ST7: variants seen among roughly 807,000 people sequenced by gnomAD.
ST7 encodes the protein suppression of tumorigenicity 7.
ST7 carries 28 observed loss-of-function variants against 78.7 expected under a neutral mutation model. The observed-to-expected ratio is 0.36, with a 90% CI of 0.26 to 0.49. The LOEUF is 0.49. ST7 is among the 20% of genes least tolerant of loss of function. The pLI is 0.99. For missense variants in ST7, 418 were observed against 696.0 expected (o/e 0.60, Z 4.49); for synonymous variants, 247 against 249.6 (o/e 0.99, Z 0.10).
intron 1 of ST7, among the ~76,000 whole-genome samples, chr7:116,961,555 C>CGTGTGTGTGTGTGTGTGTGT (rs35640208): frequency 5.8e-5 from 8 of 138,432 alleles, no homozygotes; most frequent in African/African-American, 1.9e-4. Flanking sequence ...TGTATTCCTA[C>CGTGTGTGTGTGTGTGTGTGT]GTGTGTGTGT....
intron 2 of ST7, among the ~76,000 whole-genome samples, chr7:117,108,107 A>G (rs1802125616): frequency 6.6e-6 from 1 of 151,744 alleles, no homozygotes; most frequent in Admixed American, 6.6e-5. Context: ...AGTCCCATCT[A>G]TTTATCTTTT....
At chr7:117,177,859 T>C (rs1387967458) in intron 10 of ST7, among the ~76,000 whole-genome samples, 1 of 152,242 alleles carries the variant, frequency 6.6e-6, no homozygotes, top group Non-Finnish European at 1.5e-5. Context: ...GAATCCTGTA[T>C]GTCTATTGTT....
intron 1 of ST7, among the ~76,000 whole-genome samples, chr7:117,078,725 T>C (rs189657054): frequency 3.9e-4 from 60 of 152,336 alleles, no homozygotes; most frequent in African/African-American, 1.4e-3. Flanking sequence ...GTTATGGGTT[T>C]GAATTAGCAT....
At chr7:117,152,542 C>T (rs1399686185) in intron 9 of ST7, among the ~76,000 whole-genome samples, 2 of 152,100 alleles carry the variant, frequency 1.3e-5, no homozygotes, top group East Asian at 1.9e-4. Flanking sequence ...CCATTCCTCC[C>T]ACCTGCTTTC....
intron 1 of ST7, among the ~76,000 whole-genome samples, chr7:117,002,342 C>G (rs1392946167): frequency 6.6e-6 from 1 of 152,106 alleles, no homozygotes; most frequent in Non-Finnish European, 1.5e-5. Context: ...ATCCTCCTAC[C>G]TCAGCCTCTC....
intron 14 of ST7, 53 bp from the exon 15 acceptor site, chr7:117,221,870 T>G: frequency 1.3e-6 from 2 of 1,536,022 alleles, no homozygotes; most frequent in Non-Finnish European, 1.7e-6. Context: ...AGACCTCCCC[T>G]GAGAGTGCAG....
chr7:117,211,336 C>T (rs1011281564), intron 13 of ST7, among the ~76,000 whole-genome samples: 1 of 152,212 alleles, frequency 6.6e-6, no homozygotes, highest in Non-Finnish European at 1.5e-5. Flanking sequence ...ACACACCACT[C>T]TCCACTCAGG....
intron 1 of ST7, among the ~76,000 whole-genome samples, chr7:117,089,175 A>C (rs1008970137): frequency 6.6e-6 from 1 of 152,198 alleles, no homozygotes; most frequent in African/African-American, 2.4e-5. Flanking sequence ...GCAACACCAG[A>C]ATTATAATTG....
intron 14 of ST7, among the ~76,000 whole-genome samples, chr7:117,220,400 C>T (rs1367962060): frequency 7.2e-5 from 11 of 152,164 alleles, no homozygotes; most frequent in African/African-American, 2.4e-5. Flanking sequence ...AAATCCTCAC[C>T]GTGGGCCCAT....
At chr7:116,982,850 A>G (rs1262540308) in intron 1 of ST7, among the ~76,000 whole-genome samples, 1 of 152,164 alleles carries the variant, frequency 6.6e-6, no homozygotes, top group East Asian at 1.9e-4. Flanking sequence ...AGAGTAAGGG[A>G]ATATATGTAT....
At chr7:117,213,132 T>C (rs911716425) in intron 13 of ST7, among the ~76,000 whole-genome samples, 2 of 152,238 alleles carry the variant, frequency 1.3e-5, no homozygotes, top group African/African-American at 2.4e-5. Flanking sequence ...TCAGGTCCGC[T>C]GGCCATGCAT....
intron 1 of ST7, among the ~76,000 whole-genome samples, chr7:116,995,913 C>A (rs2116411036): frequency 6.6e-6 from 1 of 152,274 alleles, no homozygotes; most frequent in African/African-American, 2.4e-5. Flanking sequence ...CATGTTTGAG[C>A]TAGATATGAC....
chr7:117,219,240 G>A lies in ST7; in HGVS notation c.1498+64G>A. Reference sequence around the variant, plus strand: ...TGAAAGGTGGGGATTGGAAGAGGTGGGAATATCAAAGTTTAGAATGCTCCT... The same window carrying A: ...TGAAAGGTGGGGATTGGAAGAGGTGAGAATATCAAAGTTTAGAATGCTCCT... On this transcript the variant is annotated intron_variant, in intron 14 of 15. Coordinates refer to ENST00000323984, the MANE Select transcript of ST7 (RefSeq NM_001369598.1). This position sits in a 1 kb window ranked among gnomAD's most constrained non-coding sequence, Gnocchi z 5.1. 7.4e-7 allele frequency: 1 copy of A among 1,348,632 alleles called. No individual in the cohort carries two copies. The highest frequency in any genetic ancestry group is 2.1e-5 in the Admixed American group (1 of 48,762). The allele number at this position is 1,348,632 out of a possible 1,614,324, so 83.5% of individuals were successfully genotyped here. A position where few individuals can be genotyped will look rare whatever the true frequency, so the allele number is the denominator to read the frequency against.
chr7:117,063,436 C>T (rs1446492493), intron 1 of ST7, among the ~76,000 whole-genome samples: 1 of 152,194 alleles, frequency 6.6e-6, no homozygotes, highest in African/African-American at 2.4e-5. Flanking sequence ...GGGCCAGGCA[C>T]AGTGGCTCAT....
intron 1 of ST7, among the ~76,000 whole-genome samples, chr7:117,032,382 A>G (rs1396178392): frequency 1.3e-5 from 2 of 152,012 alleles, no homozygotes; most frequent in African/African-American, 4.8e-5. Context: ...CTTTAATTAG[A>G]AAGGTCTGAA....
intron 1 of ST7, among the ~76,000 whole-genome samples, chr7:117,050,209 C>T (rs1022438612): frequency 1.2e-4 from 17 of 141,464 alleles, no homozygotes; most frequent in Admixed American, 5.9e-4. Flanking sequence ...AGTGAGACTC[C>T]GTCTCAAAAA....
intron 6 of ST7, among the ~76,000 whole-genome samples, chr7:117,133,083 G>C (rs1804496374): frequency 6.6e-6 from 1 of 151,848 alleles, no homozygotes; most frequent in African/African-American, 2.4e-5. Flanking sequence ...TTTATTCTTA[G>C]TGAATATAAG....
chr7:117,144,661 G>A (rs1016424958), intron 9 of ST7, among the ~76,000 whole-genome samples: 4 of 151,462 alleles, frequency 2.6e-5, no homozygotes, highest in Non-Finnish European at 5.9e-5. Flanking sequence ...CAAAATTCTG[G>A]GGGTTCCCTA....
At chr7:117,101,742 A>G (rs893184806) in intron 2 of ST7, among the ~76,000 whole-genome samples, 1 of 152,184 alleles carries the variant, frequency 6.6e-6, no homozygotes, top group African/African-American at 2.4e-5. Context: ...TAATTATATT[A>G]AGCAGCCAAC....
Sources: gnomAD v4.1 joint callset for allele counts (sites outside exome capture counted in the v4.1 genomes callset) on GRCh38, gnomAD v4.1.1 for gene constraint, Gnocchi (gnomAD v3.1) non-coding constraint, MANE v1.5 for transcripts, NCBI Gene and HGNC (gene_info 2026-07-23, HGNC 2026-07-21) for gene names.